The following PDGFC variants were observed in gnomAD, a reference collection of about 807,000 sequenced individuals.
PDGFC encodes platelet derived growth factor C, also known as platelet-derived growth factor C.
In PDGFC, 12 loss-of-function variants were observed where a neutral mutation model predicts 35.5. That is an observed-to-expected ratio of 0.34 (90% CI 0.22 to 0.55). The LOEUF is 0.55. Among genes scored for constraint, PDGFC ranks in the 20% least tolerant of loss-of-function variants. PDGFC has a pLI of 0.91. For synonymous variants in PDGFC, 159 were observed against 148.8 expected (o/e 1.07, Z -0.50); for missense variants, 322 against 412.4 (o/e 0.78, Z 1.90).
At chr4:156,905,665 A>T (rs1730898759) in intron 1 of PDGFC, among the ~76,000 whole-genome samples, 1 of 152,096 alleles carries the variant, frequency 6.6e-6, no homozygotes, top group African/African-American at 2.4e-5. Context: ...TCTCCTGTCA[A>T]CCATTCAGAA....
chr4:156,852,894 C>T (rs1729489265), intron 1 of PDGFC, among the ~76,000 whole-genome samples: 1 of 152,112 alleles, frequency 6.6e-6, no homozygotes, highest in Non-Finnish European at 1.5e-5. Flanking sequence ...AGGAAATGAA[C>T]AACTCAGTTC....
At chr4:156,913,392 C>T (rs1358962880) in intron 1 of PDGFC, among the ~76,000 whole-genome samples, 2 of 151,982 alleles carry the variant, frequency 1.3e-5, no homozygotes, top group Non-Finnish European at 2.9e-5. Flanking sequence ...AACCTTTGTA[C>T]CAGGCCAAAC....
In PDGFC at chr4:156,958,640, T is replaced by C. The variant is rs550734680; in HGVS notation, c.118+12146A>G. Among the ~76,000 whole-genome samples, 310 of 152,202 alleles carry C rather than the reference T, an allele frequency of 2.0e-3. 8 individuals are homozygous for C. The highest frequency in any genetic ancestry group is 3.5e-4 in the Non-Finnish European group (24 of 67,970). On this transcript the variant is annotated intron_variant, in intron 1 of 5. Coordinates refer to ENST00000502773, the MANE Select transcript of PDGFC (RefSeq NM_016205.3). ...AAATTATTTCGTTTCCTGTGCTTAC[T>C]TCAATTTCCAAGTTTATTTCTAGCT...
At chr4:156,854,916 C>T (rs938926033) in intron 1 of PDGFC, among the ~76,000 whole-genome samples, 2 of 151,862 alleles carry the variant, frequency 1.3e-5, no homozygotes, top group African/African-American at 4.8e-5. Flanking sequence ...ACGAGCTTGA[C>T]ATGAAAAATG....
intron 1 of PDGFC, among the ~76,000 whole-genome samples, chr4:156,898,729 G>A (rs1730693969): frequency 6.6e-6 from 1 of 151,922 alleles, no homozygotes; most frequent in Admixed American, 6.6e-5. Flanking sequence ...CACAAACACA[G>A]GCCACTGCAG....
chr4:156,941,751 T>C (rs2110908853), intron 1 of PDGFC, among the ~76,000 whole-genome samples: 1 of 152,202 alleles, frequency 6.6e-6, no homozygotes, highest in African/African-American at 2.4e-5. Context: ...TTGAAGTTAC[T>C]TACATGATAA....
At chr4:156,910,173 C>T (rs1560868804) in intron 1 of PDGFC, among the ~76,000 whole-genome samples, 1 of 152,086 alleles carries the variant, frequency 6.6e-6, no homozygotes, top group Non-Finnish European at 1.5e-5. Context: ...TTTGTTACCA[C>T]AGCCCTAGAA....
intron 1 of PDGFC, among the ~76,000 whole-genome samples, chr4:156,954,787 G>A (rs532195849): frequency 6.6e-6 from 1 of 151,908 alleles, no homozygotes; most frequent in African/African-American, 2.4e-5. Context: ...GACGTTAGGC[G>A]CATCCCCCAG....
chr4:156,885,444 A>G (rs569867102), intron 1 of PDGFC, among the ~76,000 whole-genome samples: 1 of 152,336 alleles, frequency 6.6e-6, no homozygotes, highest in East Asian at 1.9e-4. Flanking sequence ...GAGGCTTAGA[A>G]TATTTGTGCA....
At chr4:156,944,464 T>G (rs1048974555) in intron 1 of PDGFC, among the ~76,000 whole-genome samples, 1 of 152,030 alleles carries the variant, frequency 6.6e-6, no homozygotes, top group African/African-American at 2.4e-5. Flanking sequence ...CTTCTTATCA[T>G]GATTAAAAAT....
intron 3 of PDGFC, among the ~76,000 whole-genome samples, chr4:156,796,492 T>TA (rs1491261758): frequency 1.1e-4 from 5 of 46,674 alleles, no homozygotes; most frequent in African/African-American, 1.0e-3. Flanking sequence ...CCACTTTGTA[T>TA]TTTTTTTTTT....
At chr4:156,871,749 G>A (rs1729989206) in intron 1 of PDGFC, among the ~76,000 whole-genome samples, 1 of 151,860 alleles carries the variant, frequency 6.6e-6, no homozygotes, top group Non-Finnish European at 1.5e-5. Context: ...CATTATTCCA[G>A]ATTAAATTGA....
chr4:156,794,963 A>T (rs1418600074), intron 3 of PDGFC, among the ~76,000 whole-genome samples: 1 of 152,154 alleles, frequency 6.6e-6, no homozygotes, highest in Non-Finnish European at 1.5e-5. Flanking sequence ...GACAGCAGCT[A>T]TTGCCATCGC....
At chr4:156,862,935 C>A (rs1729751139) in intron 1 of PDGFC, among the ~76,000 whole-genome samples, 1 of 152,014 alleles carries the variant, frequency 6.6e-6, no homozygotes, top group East Asian at 1.9e-4. Context: ...CCTCATGATC[C>A]ATCCACCTCA....
intron 1 of PDGFC, among the ~76,000 whole-genome samples, chr4:156,926,400 A>T (rs1398892104): frequency 6.6e-6 from 1 of 152,152 alleles, no homozygotes; most frequent in Non-Finnish European, 1.5e-5. Context: ...GGGTAGATAA[A>T]GGCAGGGTCC....
At chr4:156,858,207 T>TGAA (rs1309248859) in intron 1 of PDGFC, among the ~76,000 whole-genome samples, 1 of 152,110 alleles carries the variant, frequency 6.6e-6, no homozygotes, top group African/African-American at 2.4e-5. Flanking sequence ...TTTCTGGCAC[T>TGAA]GAAGCATGTG....
intron 1 of PDGFC, among the ~76,000 whole-genome samples, chr4:156,939,876 T>A (rs1220292492): frequency 6.6e-6 from 1 of 152,104 alleles, no homozygotes; most frequent in Non-Finnish European, 1.5e-5. Context: ...TTACAGTATA[T>A]AAAGTTAACA....
chr4:156,865,240 G>T (rs1457447577), intron 1 of PDGFC, among the ~76,000 whole-genome samples: 1 of 150,566 alleles, frequency 6.6e-6, no homozygotes, highest in East Asian at 1.9e-4. Flanking sequence ...ACACAAAGTG[G>T]TCCAGCATGA....
chr4:156,771,595 T>G (rs1187137591), intron 4 of PDGFC, among the ~76,000 whole-genome samples: 1 of 152,130 alleles, frequency 6.6e-6, no homozygotes, highest in African/African-American at 2.4e-5. Context: ...GTTGGCATAG[T>G]GAAATACCAG....
Sources: gnomAD v4.1 joint callset for allele counts (sites outside exome capture counted in the v4.1 genomes callset) on GRCh38, gnomAD v4.1.1 for gene constraint, MANE v1.5 for transcripts, NCBI Gene and HGNC (gene_info 2026-07-23, HGNC 2026-07-21) for gene names.